PCED1B: variants seen among roughly 807,000 people sequenced by gnomAD.
The protein encoded by PCED1B is PC-esterase domain containing 1B, also known as PC-esterase domain-containing protein 1B.
For synonymous variants in PCED1B, 251 were observed against 246.1 expected (o/e 1.02, Z -0.19); for missense variants, 573 against 573.9 (o/e 1.00, Z 0.02).
At chr12:47,107,219 C>T (rs1163292832) in intron 2 of PCED1B, among the ~76,000 whole-genome samples, 4 of 152,092 alleles carry the variant, frequency 2.6e-5, no homozygotes, top group African/African-American at 4.8e-5. Flanking sequence ...TGGTGAATGC[C>T]GGGGCCAAAC....
intron 2 of PCED1B, among the ~76,000 whole-genome samples, chr12:47,182,936 G>T (rs147597607): frequency 6.6e-6 from 1 of 152,126 alleles, no homozygotes; most frequent in East Asian, 1.9e-4. Flanking sequence ...AATGCAAATG[G>T]AGTGTCTTAC....
intron 2 of PCED1B, among the ~76,000 whole-genome samples, chr12:47,142,235 T>G (rs773669947): frequency 6.6e-6 from 1 of 152,184 alleles, no homozygotes; most frequent in African/African-American, 2.4e-5. Flanking sequence ...GACCTCACAC[T>G]GGACCCAGCA....
Position 47,111,571 on chromosome 12 carries a change from T to TA in PCED1B, c.-526+7385dup, listed in dbSNP as rs997523884. On this transcript the variant is annotated intron_variant, in intron 2 of 3. Transcript: ENST00000546455. ...TGCAAAATCGAAACTCCAAACACAT[T>TA]AAAAAAAAACCTCCTAATTCTTCCC... Among the ~76,000 whole-genome samples the TA allele has an allele frequency of 7.1e-3, 1,078 of 150,896 alleles. 11 individuals carry two copies. The highest frequency in any genetic ancestry group is 0.024 in the African/African-American group (994 of 41,178).
chr12:47,102,217 G>C (rs767572153), intron 1 of PCED1B, among the ~76,000 whole-genome samples: 19 of 152,168 alleles, frequency 1.2e-4, no homozygotes, highest in Non-Finnish European at 2.5e-4. Flanking sequence ...CCTTAGAAAA[G>C]TCTGGTGAGC....
chr12:47,112,112 G>A (rs1349331586), intron 2 of PCED1B, among the ~76,000 whole-genome samples: 1 of 152,182 alleles, frequency 6.6e-6, no homozygotes, highest in Non-Finnish European at 1.5e-5. Flanking sequence ...GGGTTTAGCA[G>A]TAAGAATAGG....
chr12:47,091,917 G>A (rs565689354), intron 1 of PCED1B, among the ~76,000 whole-genome samples: 94 of 152,046 alleles, frequency 6.2e-4, no homozygotes, highest in Non-Finnish European at 1.2e-4. Flanking sequence ...TCTTGCACTA[G>A]TACCACACAG....
intron 1 of PCED1B, among the ~76,000 whole-genome samples, chr12:47,095,657 C>G (rs1288151266): frequency 6.6e-6 from 1 of 152,140 alleles, no homozygotes; most frequent in African/African-American, 2.4e-5. Context: ...TGATCCAGCC[C>G]ATTATTCACT....
At chr12:47,206,746 C>A (rs1180785698) in intron 2 of PCED1B, among the ~76,000 whole-genome samples, 1 of 149,334 alleles carries the variant, frequency 6.7e-6, no homozygotes, top group South Asian at 2.1e-4. Flanking sequence ...ATCTCTACCC[C>A]GCCCCCGCAA....
intron 1 of PCED1B, among the ~76,000 whole-genome samples, chr12:47,098,942 G>T (rs1021051190): frequency 1.3e-5 from 2 of 152,126 alleles, no homozygotes; most frequent in Non-Finnish European, 2.9e-5. Context: ...TTTCCTGCTG[G>T]TGGATGTGTG....
At chr12:47,198,387 A>G (rs1942669533) in intron 2 of PCED1B, among the ~76,000 whole-genome samples, 1 of 152,192 alleles carries the variant, frequency 6.6e-6, no homozygotes, top group Non-Finnish European at 1.5e-5. Flanking sequence ...AACTAGGAGT[A>G]GAGGGGAACT....
intron 2 of PCED1B, among the ~76,000 whole-genome samples, chr12:47,114,007 TG>T (rs1161937884): frequency 6.6e-6 from 1 of 151,748 alleles, no homozygotes; most frequent in Non-Finnish European, 1.5e-5. Context: ...AGGTACACAA[TG>T]GGGAAACCCT....
chr12:47,220,858 T>C (rs185824443), intron 3 of PCED1B, among the ~76,000 whole-genome samples: 4 of 152,188 alleles, frequency 2.6e-5, no homozygotes, highest in Non-Finnish European at 5.9e-5. Flanking sequence ...AGAATTTCAG[T>C]AACAGGAAAG....
intron 2 of PCED1B, among the ~76,000 whole-genome samples, chr12:47,188,217 A>T (rs1388439699): frequency 5.3e-5 from 8 of 152,136 alleles, no homozygotes; most frequent in African/African-American, 7.2e-5. Context: ...ATCTAACACC[A>T]TTGGGGTCTC....
At chr12:47,100,513 A>G (rs1313418935) in intron 1 of PCED1B, among the ~76,000 whole-genome samples, 1 of 152,188 alleles carries the variant, frequency 6.6e-6, no homozygotes, top group Non-Finnish European at 1.5e-5. Context: ...TGTTTGTTTT[A>G]CAGGTAATAC....
intron 2 of PCED1B, among the ~76,000 whole-genome samples, chr12:47,197,627 A>T (rs1281788911): frequency 1.3e-5 from 2 of 151,638 alleles, no homozygotes; most frequent in Non-Finnish European, 2.9e-5. Context: ...AAATAAATAA[A>T]TAATAAAATA....
chr12:47,163,647 G>A (rs1941457804), intron 2 of PCED1B, among the ~76,000 whole-genome samples: 1 of 152,094 alleles, frequency 6.6e-6, no homozygotes, highest in South Asian at 2.1e-4. Context: ...TTTGTCAAAT[G>A]CTTTTTCTAT....
Position 47,235,824 on chromosome 12 carries a change from T to G in PCED1B, c.761T>G (p.Val254Gly). 1 of 1,575,578 alleles carries G rather than the reference T, an allele frequency of 6.3e-7. No homozygotes were observed. The stretch of plus-strand genomic sequence containing the variant: ...GCCCACGTGGCCGACGCCTGGGGTG[T>G]GGAGCTGCCCCACCGCCACCCCGTG... ...LLAHVADAWG[V>G]ELPHRHPVGE... The change falls in exon 4 of 4, where the codon GTG becomes GGG. Residue 254 changes from valine (V) to glycine (G), a missense_variant. Coordinates refer to ENST00000546455, the MANE Select transcript of PCED1B (RefSeq NM_138371.3).
At chr12:47,169,897 CTTT>C (rs35457537) in intron 2 of PCED1B, among the ~76,000 whole-genome samples, 9 of 100,506 alleles carry the variant, frequency 9.0e-5, no homozygotes, top group Non-Finnish European at 1.0e-4. Context: ...TATTACTCAT[CTTT>C]TTTTTTTTTT....
chr12:47,173,756 T>A (rs1158597361), intron 2 of PCED1B, among the ~76,000 whole-genome samples: 1 of 152,198 alleles, frequency 6.6e-6, no homozygotes, highest in Non-Finnish European at 1.5e-5. Flanking sequence ...AGAGATTATC[T>A]TCATCAATTG....
Sources: gnomAD v4.1 joint callset for allele counts (sites outside exome capture counted in the v4.1 genomes callset) on GRCh38, gnomAD v4.1.1 for gene constraint, MANE v1.5 for transcripts, NCBI Gene and HGNC (gene_info 2026-07-23, HGNC 2026-07-21) for gene names.